SNX33: variants seen among roughly 807,000 people sequenced by gnomAD.
SNX33 encodes the protein sorting nexin 33.
Under a neutral mutation model 38.8 loss-of-function variants are expected in SNX33, and 19 were observed. The ratio of observed to expected loss-of-function variants is 0.49; its 90% CI spans 0.34 to 0.72. The LOEUF is 0.72. SNX33 is among the 30% of genes least tolerant of loss of function. The pLI, the probability that SNX33 is intolerant of heterozygous loss-of-function variation, is 0.01. For synonymous variants in SNX33, 246 were observed against 289.7 expected (o/e 0.85, Z 1.53); for missense variants, 641 against 776.4 (o/e 0.83, Z 2.07).
rs1893724879 is a variant in SNX33 at position 75,661,590 on chromosome 15, G to GC, written c.*4376dup. Reference sequence around the variant, plus strand: ...TTTGTTGGTCAAACCCCAGTGCAGTGCAGTCTGTTTAAGAAGTAGTGTCGC... The same window carrying GC: ...TTTGTTGGTCAAACCCCAGTGCAGTGCCAGTCTGTTTAAGAAGTAGTGTCGC... On this transcript the variant is annotated 3_prime_UTR_variant, in exon 2 of 2. Transcript: ENST00000308527. This position sits in a 1 kb window ranked among gnomAD's most constrained non-coding sequence, Gnocchi z 4.5. The GC allele has an allele frequency of 6.6e-6, 1 of 152,176 alleles. No homozygotes were observed. Among genetic ancestry groups the GC allele is most frequent in the Non-Finnish European group, 1.5e-5 (1 of 68,050 alleles). 9.4% of individuals were successfully genotyped at this position (152,176 alleles called of 1,614,324 possible).
At chr15:75,655,199 C>G (rs1420591876) in intron 1 of SNX33, among the ~76,000 whole-genome samples, 1 of 152,266 alleles carries the variant, frequency 6.6e-6, no homozygotes, top group Non-Finnish European at 1.5e-5. Flanking sequence ...GAGGACCAGG[C>G]AGGAAAGAGG....
At position 75,649,876 on chromosome 15, in the gene SNX33, T is replaced by C. The variant is rs1231729125; in HGVS notation, c.774T>C (p.His258=). The change falls in exon 1 of 2, where the codon CAT becomes CAC. Residue 258 remains histidine (H), a synonymous_variant. Transcript: ENST00000308527. This position sits in a 1 kb window ranked among gnomAD's most constrained non-coding sequence, Gnocchi z 6.6. ...TCTCCTACAAGCTCACACCCACCCATGCTGCCTCACCCGTCTACCGGCGCT... is the reference window on the plus strand; with the variant it reads ...TCTCCTACAAGCTCACACCCACCCACGCTGCCTCACCCGTCTACCGGCGCT... ...SYISYKLTPT[H]AASPVYRRYK... The C allele has an allele frequency of 1.3e-6, 2 of 1,542,818 alleles. No homozygotes were observed. The highest frequency in any genetic ancestry group is 4.1e-5 in the Admixed American group (2 of 48,400).
Position 75,650,597 on chromosome 15 carries a change from A to G in SNX33, c.1471+24A>G, listed in dbSNP as rs1378081058. On this transcript the variant is annotated intron_variant, in intron 1 of 1. Transcript: ENST00000308527. The surrounding 1 kb of genome is among the most constrained non-coding windows in gnomAD (Gnocchi z 6.1). Reference sequence around the variant, plus strand: ...AGGTAAGGCCCAGTGCAGGCAGGAAACTCGTCCTGAGTCTGGCTCTCTGCT... The same window carrying G: ...AGGTAAGGCCCAGTGCAGGCAGGAAGCTCGTCCTGAGTCTGGCTCTCTGCT... 4 of 1,554,810 alleles carry G rather than the reference A, an allele frequency of 2.6e-6. No individual in the cohort carries two copies. Among genetic ancestry groups the G allele is most frequent in the Non-Finnish European group, 3.5e-6 (4 of 1,149,350 alleles).
At chr15:75,655,633 A>G (rs1484551201) in intron 1 of SNX33, among the ~76,000 whole-genome samples, 1 of 152,218 alleles carries the variant, frequency 6.6e-6, no homozygotes, top group African/African-American at 2.4e-5. Context: ...TGGGCCTGAT[A>G]TACAGTAAGT....
In SNX33 at chr15:75,661,207, G is replaced by C. The variant is rs1234082198; in HGVS notation, c.*3992G>C. On this transcript the variant is annotated 3_prime_UTR_variant, in exon 2 of 2. Transcript: ENST00000308527. The surrounding 1 kb of genome is among the most constrained non-coding windows in gnomAD (Gnocchi z 4.5). The stretch of plus-strand genomic sequence containing the variant: ...TGAGCTGCAGTGGCCACGGGAGCCG[G>C]AGCCAGGATGCGGTGGGCAGGGCCT... 2.6e-5 allele frequency: 4 copies of C among 152,432 alleles called. No individual in the cohort carries two copies. Among genetic ancestry groups the C allele is most frequent in the African/African-American group, 9.6e-5 (4 of 41,456 alleles). The allele number at this position is 152,432 out of a possible 1,614,324, so 9.4% of individuals were successfully genotyped here. A position where few individuals can be genotyped will look rare whatever the true frequency, so the allele number is the denominator to read the frequency against.
At position 75,649,284 on chromosome 15, in the gene SNX33, C is replaced by A. The variant is rs752158302; in HGVS notation, c.182C>A (p.Ser61Tyr). Residue 61 changes from serine (S) to tyrosine (Y), a missense_variant, in exon 1 of 2, where the codon TCT (serine) becomes TAT (tyrosine). Around this residue, in one of 2 missense-constraint regions of SNX33, gnomAD observed 243 missense variants for 233.9 expected, o/e 1.04. Coordinates refer to ENST00000308527, the MANE Select transcript of SNX33 (RefSeq NM_153271.2). This position sits in a 1 kb window ranked among gnomAD's most constrained non-coding sequence, Gnocchi z 6.6. ...GCCTCTTATGTGGAGATCGTCCGTT[C>A]TGGCATCAGCACCAACCATGCTGAC... Reference protein sequence around the residue: ...FPASYVEIVRSGISTNHADYS... With the variant: ...FPASYVEIVRYGISTNHADYS... 8.1e-6 allele frequency: 13 copies of A among 1,612,114 alleles called. No individual in the cohort carries two copies. The South Asian group carries it at 1.2e-4, about 15-fold the overall frequency.
intron 1 of SNX33, among the ~76,000 whole-genome samples, chr15:75,656,285 G>A (rs1159863172): frequency 6.6e-6 from 1 of 152,144 alleles, no homozygotes; most frequent in Non-Finnish European, 1.5e-5. Flanking sequence ...GCACCTGATC[G>A]GGGCCATGAA....
intron 1 of SNX33, among the ~76,000 whole-genome samples, chr15:75,653,102 AC>A (rs1040242494): frequency 1.2e-4 from 18 of 152,102 alleles, no homozygotes; most frequent in African/African-American, 3.9e-4. Context: ...GTAAAATGGG[AC>A]CCGAGGGTCT....
chr15:75,650,161 G>T lies in SNX33; in HGVS notation c.1059G>T (p.Met353Ile). The change falls in exon 1 of 2, where the codon ATG (methionine) becomes ATT (isoleucine). Residue 353 changes from methionine to isoleucine, a missense_variant. Met to Ile is a conservative substitution (Grantham distance 10). Coordinates refer to ENST00000308527, the MANE Select transcript of SNX33 (RefSeq NM_153271.2). The surrounding 1 kb of genome is among the most constrained non-coding windows in gnomAD (Gnocchi z 6.1). ...AACGCCGGGCGGAGAAGGATGAGAT[G>T]GTGGGTGCCAGCTTCCTGCTCACCT... ...MGKRRAEKDE[M>I]VGASFLLTFQ... 1 of 1,611,324 alleles carries T rather than the reference G, an allele frequency of 6.2e-7. No homozygotes were observed. Among genetic ancestry groups the T allele is most frequent in the Non-Finnish European group, 8.5e-7 (1 of 1,178,636 alleles).
Position 75,649,728 on chromosome 15 carries a change from C to G in SNX33, c.626C>G (p.Ala209Gly), listed in dbSNP as rs774255201. ...GATGTGCCCATGATGGCCAAGATCG[C>G]TGAGACATACTCCATTGAAATGGGC... The part of the protein sequence containing the change: ...LGDVPMMAKI[A>G]ETYSIEMGPR... The change falls in exon 1 of 2, where the codon GCT (alanine) becomes GGT (glycine). Residue 209 changes from alanine to glycine, a missense_variant. Coordinates refer to ENST00000308527, the MANE Select transcript of SNX33 (RefSeq NM_153271.2). This position sits in a 1 kb window ranked among gnomAD's most constrained non-coding sequence, Gnocchi z 6.6. The G allele has an allele frequency of 1.9e-6, 3 of 1,540,788 alleles. No individual in the cohort carries two copies. Among genetic ancestry groups the G allele is most frequent in the Admixed American group, 1.9e-5 (1 of 51,394 alleles).
rs143460688 is a variant in SNX33, at chr15:75,649,468, C to G, written c.366C>G (p.Asp122Glu). Residue 122 changes from aspartate (D) to glutamate (E), a missense_variant, in exon 1 of 2, where the codon GAC becomes GAG. This residue lies in a region of SNX33 where 243 missense variants were observed against 233.9 expected (regional missense o/e 1.04). Transcript: ENST00000308527. The surrounding 1 kb of genome is among the most constrained non-coding windows in gnomAD (Gnocchi z 6.6). Reference sequence around the variant, plus strand: ...ATGATGACTGGGATGACTGGGACGACGGATGCACAGTGGTGGAGGAGCCAC... The same window carrying G: ...ATGATGACTGGGATGACTGGGACGAGGGATGCACAGTGGTGGAGGAGCCAC... ...DDDDDWDDWD[D>E]GCTVVEEPRA... The G allele has an allele frequency of 1.3e-6, 2 of 1,538,490 alleles. No individual in the cohort carries two copies. Among genetic ancestry groups the G allele is most frequent in the South Asian group, 2.5e-5 (2 of 79,398 alleles).
At chr15:75,654,589 A>G (rs898888762) in intron 1 of SNX33, among the ~76,000 whole-genome samples, 1 of 152,232 alleles carries the variant, frequency 6.6e-6, no homozygotes, top group Admixed American at 6.5e-5. Flanking sequence ...GTGCTGAGGC[A>G]GGAGGTCCCC....
chr15:75,657,254 T>C lies in SNX33; in HGVS notation c.*39T>C. On this transcript the variant is annotated 3_prime_UTR_variant, in exon 2 of 2. Transcript: ENST00000308527. This position sits in a 1 kb window ranked among gnomAD's most constrained non-coding sequence, Gnocchi z 5.5. The stretch of plus-strand genomic sequence containing the variant: ...GGCCCCCTCCTTCCCCTGGGCCTGG[T>C]CACTGCAGTGTACCCCACTTTCCCG... 1 of 1,611,304 alleles carries C rather than the reference T, an allele frequency of 6.2e-7. No individual in the cohort carries two copies. Among genetic ancestry groups the C allele is most frequent in the Non-Finnish European group, 8.5e-7 (1 of 1,178,474 alleles).
chr15:75,648,172 G>A lies in SNX33; in HGVS notation c.-931G>A, dbSNP rs1419358442. 4 of 985,536 alleles carry A rather than the reference G, an allele frequency of 4.1e-6. No homozygotes were observed. The East Asian group carries it at 4.5e-4, about 112-fold the overall frequency. The allele number at this position is 985,536 out of a possible 1,614,324, so 61.0% of individuals were successfully genotyped here. On this transcript the variant is annotated 5_prime_UTR_variant, in exon 1 of 2. Coordinates refer to ENST00000308527, the MANE Select transcript of SNX33 (RefSeq NM_153271.2). The surrounding 1 kb of genome is among the most constrained non-coding windows in gnomAD (Gnocchi z 4.4). The stretch of plus-strand genomic sequence containing the variant: ...GGGTGAGGAACCGGTTTCTGCTGGG[G>A]TTACCTTTGGACGGGGTTCCTGGGA...
chr15:75,657,425 G>T lies in SNX33; in HGVS notation c.*210G>T. 2.5e-6 allele frequency: 2 copies of T among 793,992 alleles called. No individual in the cohort carries two copies. The allele number at this position is 793,992 out of a possible 1,614,324, so 49.2% of individuals were successfully genotyped here. On this transcript the variant is annotated 3_prime_UTR_variant, in exon 2 of 2. Coordinates refer to ENST00000308527, the MANE Select transcript of SNX33 (RefSeq NM_153271.2). This position sits in a 1 kb window ranked among gnomAD's most constrained non-coding sequence, Gnocchi z 5.5. ...CTCCTTAGAAGTGGGGCACAGCAGG[G>T]GTGAGAATAGAGTCAGGAGCCCTCG...
Position 75,648,389 on chromosome 15 carries a change from G to A in SNX33, c.-714G>A. The stretch of plus-strand genomic sequence containing the variant: ...GCGGGGGCTCCGGCTGCGCAGCCGG[G>A]GTCGAAGAGTTGGCGGCCTGTTGTG... On this transcript the variant is annotated 5_prime_UTR_variant, in exon 1 of 2. Transcript: ENST00000308527. This position sits in a 1 kb window ranked among gnomAD's most constrained non-coding sequence, Gnocchi z 4.4. 2 of 985,438 alleles carry A rather than the reference G, an allele frequency of 2.0e-6. No homozygotes were observed. The highest frequency in any genetic ancestry group is 2.4e-6 in the Non-Finnish European group (2 of 829,964). The allele number at this position is 985,438 out of a possible 1,614,324, so 61.0% of individuals were successfully genotyped here.
rs1278081909 is a variant in SNX33 at position 75,648,471 on chromosome 15, C to T, written c.-632C>T. On this transcript the variant is annotated 5_prime_UTR_variant, in exon 1 of 2. Coordinates refer to ENST00000308527, the MANE Select transcript of SNX33 (RefSeq NM_153271.2). This position sits in a 1 kb window ranked among gnomAD's most constrained non-coding sequence, Gnocchi z 4.4. ...TCGTTGTGAAGCCGGACACATCCAC[C>T]CTTGGACTCGATTCAGGCGGCTGCT... is the stretch of plus-strand genomic sequence containing the variant. 2.0e-6 allele frequency: 2 copies of T among 985,440 alleles called. No homozygotes were observed. The highest frequency in any genetic ancestry group is 4.7e-5 in the South Asian group (1 of 21,288). The allele number at this position is 985,440 out of a possible 1,614,324, so 61.0% of individuals were successfully genotyped here. A position where few individuals can be genotyped will look rare whatever the true frequency, so the allele number is the denominator to read the frequency against.
At chr15:75,656,386 A>G (rs999675229) in intron 1 of SNX33, among the ~76,000 whole-genome samples, 4 of 152,190 alleles carry the variant, frequency 2.6e-5, no homozygotes, top group Non-Finnish European at 5.9e-5. Context: ...GAATGCGTGC[A>G]GGGGCCAACT....
chr15:75,648,856 T>G lies in SNX33; in HGVS notation c.-247T>G, dbSNP rs1893531680. On this transcript the variant is annotated 5_prime_UTR_variant, in exon 1 of 2. The change abolishes an upstream ATG in the 5' untranslated region. Transcript: ENST00000308527. This position sits in a 1 kb window ranked among gnomAD's most constrained non-coding sequence, Gnocchi z 4.4. ...CTAAGGGAGGAGGAGACTGTGGACA[T>G]GAGCCCTCCCTGCTCACAAGCATAT... 2 of 409,230 alleles carry G rather than the reference T, an allele frequency of 4.9e-6. No homozygotes were observed. The highest frequency in any genetic ancestry group is 8.1e-5 in the East Asian group (2 of 24,720). The allele number at this position is 409,230 out of a possible 1,614,324, so 25.3% of individuals were successfully genotyped here.
Sources: gnomAD v4.1 joint callset for allele counts (sites outside exome capture counted in the v4.1 genomes callset) on GRCh38, gnomAD v4.1.1 for gene constraint, gnomAD v4.1.1 regional missense constraint, Gnocchi (gnomAD v3.1) non-coding constraint, MANE v1.5 for transcripts, NCBI Gene and HGNC (gene_info 2026-07-23, HGNC 2026-07-21) for gene names.